The following ZCCHC2 variants were observed in gnomAD, a reference collection of about 807,000 sequenced individuals.
The protein encoded by ZCCHC2 is zinc finger CCHC domain-containing protein 2.
ZCCHC2 carries 39 observed loss-of-function variants against 103.6 expected under a neutral mutation model. The ratio of observed to expected loss-of-function variants is 0.38; its 90% CI spans 0.29 to 0.49. ZCCHC2 has a LOEUF of 0.49. Ranked by LOEUF, ZCCHC2 falls within the 20% of genes least tolerant of loss-of-function variation. ZCCHC2 has a pLI of 0.96. For synonymous variants in ZCCHC2, 687 were observed against 608.9 expected (o/e 1.13, Z -1.89); for missense variants, 1,483 against 1,491.0 (o/e 0.99, Z 0.09).
intron 1 of ZCCHC2, among the ~76,000 whole-genome samples, chr18:62,531,998 A>G (rs1914697496): frequency 6.6e-6 from 1 of 152,098 alleles, no homozygotes; most frequent in Admixed American, 6.5e-5. Context: ...AGGAGAGAAG[A>G]AAGAGGAAAA....
At chr18:62,535,521 C>T (rs1309287929) in intron 1 of ZCCHC2, among the ~76,000 whole-genome samples, 3 of 152,210 alleles carry the variant, frequency 2.0e-5, no homozygotes, top group Admixed American at 1.3e-4. Flanking sequence ...GAGTTTGTCT[C>T]TGTTCTAGGG....
In ZCCHC2 at chr18:62,560,235, T is replaced by C. The variant is rs188282655; in HGVS notation, c.1493-352T>C. On this transcript the variant is annotated intron_variant, in intron 7 of 13. Coordinates refer to ENST00000269499, the MANE Select transcript of ZCCHC2 (RefSeq NM_017742.6). ...GGGTGGTGTACATGGATGTTTGTTATATTAATAGATACAGGTTTGAATGTT... is the reference window on the plus strand; with the variant it reads ...GGGTGGTGTACATGGATGTTTGTTACATTAATAGATACAGGTTTGAATGTT... 3.7e-3 allele frequency: 625 copies of C among 169,302 alleles called. 2 individuals carry two copies. The highest frequency in any genetic ancestry group is 5.4e-3 in the Non-Finnish European group (424 of 79,120). 10.5% of individuals were successfully genotyped at this position (169,302 alleles called of 1,614,324 possible). A position where few individuals can be genotyped will look rare whatever the true frequency, so the allele number is the denominator to read the frequency against.
At chr18:62,550,582 C>CATGTT (rs1396033869) in intron 5 of ZCCHC2, 122 bp downstream of exon 5, 5 of 689,362 alleles carry the variant, frequency 7.3e-6, no homozygotes, top group Admixed American at 2.8e-5. Context: ...TTAAAATGGA[C>CATGTT]ATGTTATCCT....
Position 62,570,215 on chromosome 18 carries a change from A to G in ZCCHC2, c.1959A>G (p.Glu653=), listed in dbSNP as rs756437021. The G allele has an allele frequency of 1.2e-6, 2 of 1,611,712 alleles. No individual in the cohort carries two copies. The highest frequency in any genetic ancestry group is 2.2e-5 in the East Asian group (1 of 44,822). ...RHDGRESFES[E]EEKDRDTDSN... is the part of the protein sequence containing the mutation. ...ATGGAAGAGAAAGTTTTGAAAGTGA[A>G]GAAGAGAAAGACAGAGGTTTGCTCT... is the stretch of plus-strand genomic sequence containing the variant. The change falls in exon 12 of 14, where the codon GAA becomes GAG. Residue 653 remains glutamate (E), a synonymous_variant. Coordinates refer to ENST00000269499, the MANE Select transcript of ZCCHC2 (RefSeq NM_017742.6).
intron 7 of ZCCHC2, among the ~76,000 whole-genome samples, chr18:62,559,075 A>G (rs1396028099): frequency 2.6e-5 from 4 of 152,262 alleles, no homozygotes; most frequent in Admixed American, 2.6e-4. Flanking sequence ...TCAAGTGAAT[A>G]ACAACTTATA....
In ZCCHC2 at chr18:62,558,639, T is replaced by A. The variant is rs1032505361; in HGVS notation, c.1409-48T>A. 6.2e-6 allele frequency: 7 copies of A among 1,132,148 alleles called. No homozygotes were observed. The East Asian group carries it at 1.7e-4, about 27-fold the overall frequency. The allele number at this position is 1,132,148 out of a possible 1,614,324, so 70.1% of individuals were successfully genotyped here. Reference sequence around the variant, plus strand: ...AAAACAATTATTATATTTGTTTTCTTTATTTTAATTTTCCTAAAAAGTTAA... The same window carrying A: ...AAAACAATTATTATATTTGTTTTCTATATTTTAATTTTCCTAAAAAGTTAA... On this transcript the variant is annotated intron_variant, in intron 6 of 13. Transcript: ENST00000269499.
intron 6 of ZCCHC2, among the ~76,000 whole-genome samples, chr18:62,557,418 G>T (rs1915937597): frequency 6.6e-6 from 1 of 152,162 alleles, no homozygotes; most frequent in Non-Finnish European, 1.5e-5. Context: ...AGAAAAAGAG[G>T]TGCAAGAATA....
intron 12 of ZCCHC2, among the ~76,000 whole-genome samples, chr18:62,573,237 A>G (rs944720006): frequency 6.6e-6 from 1 of 152,198 alleles, no homozygotes; most frequent in Non-Finnish European, 1.5e-5. Flanking sequence ...CTGTGTATAC[A>G]TCAACACAGT....
In ZCCHC2 at chr18:62,576,647, G is replaced by C; in HGVS notation, c.*68G>C. On this transcript the variant is annotated 3_prime_UTR_variant, in exon 14 of 14. Coordinates refer to ENST00000269499, the MANE Select transcript of ZCCHC2 (RefSeq NM_017742.6). ...GTCATGGGGTGTGGAGGGGAGGAAA[G>C]GAAAGGTATTTTGTTTCTTTGTCTA... 1 of 1,446,186 alleles carries C rather than the reference G, an allele frequency of 6.9e-7. No individual in the cohort carries two copies. Among genetic ancestry groups the C allele is most frequent in the Non-Finnish European group, 9.6e-7 (1 of 1,043,920 alleles). The allele number at this position is 1,446,186 out of a possible 1,614,324, so 89.6% of individuals were successfully genotyped here. A position where few individuals can be genotyped will look rare whatever the true frequency, so the allele number is the denominator to read the frequency against.
intron 1 of ZCCHC2, among the ~76,000 whole-genome samples, chr18:62,529,159 C>CAAAA (rs67299838): frequency 8.9e-5 from 6 of 67,360 alleles, no homozygotes; most frequent in African/African-American, 2.3e-4. Flanking sequence ...GACAACGTCT[C>CAAAA]AAAAAAAAAA....
chr18:62,579,130 G>A (rs534948589), downstream of ZCCHC2, among the ~76,000 whole-genome samples: 4 of 152,280 alleles, frequency 2.6e-5, no homozygotes, highest in African/African-American at 2.4e-5. Context: ...ACTGCACTCC[G>A]TGAGTTTTGA....
At chr18:62,538,963 A>G (rs1205299979) in intron 1 of ZCCHC2, among the ~76,000 whole-genome samples, 1 of 149,656 alleles carries the variant, frequency 6.7e-6, no homozygotes, top group East Asian at 2.0e-4. Flanking sequence ...TGCAAGCTGT[A>G]ATAAAAAACT....
intron 1 of ZCCHC2, among the ~76,000 whole-genome samples, chr18:62,530,984 T>A (rs76776114): frequency 3.0e-3 from 455 of 152,306 alleles, no homozygotes; most frequent in African/African-American, 0.01. Context: ...AACATTTTTT[T>A]ACTTTTATAA....
intron 1 of ZCCHC2, among the ~76,000 whole-genome samples, chr18:62,532,410 T>C (rs1009547670): frequency 6.6e-6 from 1 of 152,236 alleles, no homozygotes; most frequent in African/African-American, 2.4e-5. Context: ...CTGATTCCCC[T>C]GCTTTTTAGC....
In ZCCHC2 at chr18:62,523,520, G is replaced by T; in HGVS notation, c.96G>T (p.Lys32Asn). The change falls in exon 1 of 14, where the codon AAG becomes AAT. Residue 32 changes from lysine to asparagine, a missense_variant. Coordinates refer to ENST00000269499, the MANE Select transcript of ZCCHC2 (RefSeq NM_017742.6). ...AGGCGGACGCGCGGCCGGGCGCGAA[G>T]GCGCCTTCGCGCCGCCGCCGCGACT... ...EPEADARPGA[K>N]APSRRRRDCR... 1 of 969,528 alleles carries T rather than the reference G, an allele frequency of 1.0e-6. No individual in the cohort carries two copies. Among genetic ancestry groups the T allele is most frequent in the South Asian group, 4.6e-5 (1 of 21,828 alleles). 60.1% of individuals were successfully genotyped at this position (969,528 alleles called of 1,614,324 possible). A position where few individuals can be genotyped will look rare whatever the true frequency, so the allele number is the denominator to read the frequency against.
In ZCCHC2 at chr18:62,578,347, T is replaced by TA. The variant is rs1916942227; in HGVS notation, c.*1769dup. The TA allele has an allele frequency of 6.6e-6, 1 of 152,654 alleles. No individual in the cohort carries two copies. The highest frequency in any genetic ancestry group is 6.5e-5 in the Admixed American group (1 of 15,284). 9.5% of individuals were successfully genotyped at this position (152,654 alleles called of 1,614,324 possible). On this transcript the variant is annotated 3_prime_UTR_variant, in exon 14 of 14. Transcript: ENST00000269499. ...CAAGTGAGAGTTTTGATAAGCCACTTATGGGCCGCGTTGTGAATCACTTGC... is the reference window on the plus strand; with the variant it reads ...CAAGTGAGAGTTTTGATAAGCCACTTAATGGGCCGCGTTGTGAATCACTTGC...
intron 4 of ZCCHC2, among the ~76,000 whole-genome samples, chr18:62,547,160 A>AC (rs1394001742): frequency 6.6e-6 from 1 of 152,014 alleles, no homozygotes; most frequent in Admixed American, 6.6e-5. Context: ...CCCCATGTCT[A>AC]CTAAAAATAC....
Position 62,544,785 on chromosome 18 carries a change from TG to T in ZCCHC2, c.1129-16del, listed in dbSNP as rs2145500634. 3.4e-5 allele frequency: 52 copies of T among 1,535,666 alleles called. No individual in the cohort carries two copies. Among genetic ancestry groups the T allele is most frequent in the South Asian group, 7.5e-5 (6 of 80,290 alleles). ...CTAGGGAATAACCATATAATATGTG[TG>T]TTTTTTTTAAATCAGGTAAATTGGT... On this transcript the variant is annotated splice_polypyrimidine_tract_variant and intron_variant, in intron 3 of 13. Coordinates refer to ENST00000269499, the MANE Select transcript of ZCCHC2 (RefSeq NM_017742.6).
intron 6 of ZCCHC2, 112 bp from the exon 7 acceptor site, chr18:62,558,575 T>C: frequency 1.7e-6 from 1 of 595,616 alleles, no homozygotes; most frequent in Non-Finnish European, 2.8e-6. Flanking sequence ...AGCCATGTTT[T>C]CTTCACCACT....
Sources: allele counts gnomAD v4.1 joint callset (sites outside exome capture counted in the v4.1 genomes callset), GRCh38; gene constraint gnomAD v4.1.1; transcripts MANE v1.5; gene names NCBI Gene and HGNC (gene_info 2026-07-23, HGNC 2026-07-21).